FBLN1: variants seen among roughly 807,000 people sequenced by gnomAD.
The protein encoded by FBLN1 is fibulin 1.
Under a neutral mutation model 89.7 loss-of-function variants are expected in FBLN1, and 34 were observed. The ratio of observed to expected loss-of-function variants is 0.38; its 90% CI spans 0.29 to 0.50. FBLN1 has a LOEUF of 0.50. Ranked by LOEUF, FBLN1 falls within the 20% of genes least tolerant of loss-of-function variation. The pLI is 0.92. For missense variants in FBLN1, 777 were observed against 988.1 expected, an observed-to-expected ratio of 0.79 and a Z score of 2.86; for synonymous variants, 393 against 391.3, an observed-to-expected ratio of 1.00 and a Z score of -0.05.
Position 45,576,525 on chromosome 22 carries a change from A to C in FBLN1, c.1841-452A>C, listed in dbSNP as rs1043278385. On this transcript the variant is annotated intron_variant, in intron 15 of 16. Coordinates refer to ENST00000327858, the MANE Select transcript of FBLN1 (RefSeq NM_006486.3). This position sits in a 1 kb window ranked among gnomAD's most constrained non-coding sequence, Gnocchi z 5.2. The stretch of plus-strand genomic sequence containing the variant: ...TGTCTGATCTGGGAGATGGACACAC[A>C]CCCCCCAGAGAACCCAGGCCACCGC... Among the ~76,000 whole-genome samples the C allele has an allele frequency of 4.0e-5, 6 of 151,176 alleles. No individual in the cohort carries two copies. The highest frequency in any genetic ancestry group is 3.5e-3 in the Middle Eastern group (1 of 288).
At position 45,562,529 on chromosome 22, in the gene FBLN1, C is replaced by T. The variant is rs367778460; in HGVS notation, c.1697+11914C>T. On this transcript the variant is annotated intron_variant, in intron 14 of 16. Transcript: ENST00000327858. This position sits in a 1 kb window ranked among gnomAD's most constrained non-coding sequence, Gnocchi z 7.8. The stretch of plus-strand genomic sequence containing the variant: ...GAGATAGTCATTTCATGGGTCACCT[C>T]CGAGACACAACCAAGAGCCCTGCGT... Among the ~76,000 whole-genome samples, 50 of 152,320 alleles carry T rather than the reference C, an allele frequency of 3.3e-4. No individual in the cohort carries two copies. Among genetic ancestry groups the T allele is most frequent in the African/African-American group, 1.2e-3 (48 of 41,578 alleles).
intron 16 of FBLN1, among the ~76,000 whole-genome samples, chr22:45,598,949 G>C (rs1049861044): frequency 6.6e-6 from 1 of 152,228 alleles, no homozygotes; most frequent in Non-Finnish European, 1.5e-5. Context: ...CTCTCACTGC[G>C]TACAGAGTAT....
At chr22:45,529,132 T>C (rs2088369736) in intron 4 of FBLN1, among the ~76,000 whole-genome samples, 1 of 152,202 alleles carries the variant, frequency 6.6e-6, no homozygotes, top group South Asian at 2.1e-4. Context: ...GAGGGTCTGA[T>C]GCTGAAGATC....
rs140273104 is a variant in FBLN1, at chr22:45,590,863, C to A, written c.1973-9444C>A. 3.4e-3 allele frequency among the ~76,000 whole-genome samples: 512 copies of A among 151,906 alleles called. No individual in the cohort carries two copies. The highest frequency in any genetic ancestry group is 5.0e-3 in the South Asian group (24 of 4,806). ...GGGAGGAGGGTAGGTCAGTGTTTGGCGTGCTTGGATTTGAATTGTCCATCT... is the reference window on the plus strand; with the variant it reads ...GGGAGGAGGGTAGGTCAGTGTTTGGAGTGCTTGGATTTGAATTGTCCATCT... On this transcript the variant is annotated intron_variant, in intron 16 of 16. Coordinates refer to ENST00000327858, the MANE Select transcript of FBLN1 (RefSeq NM_006486.3). This position sits in a 1 kb window ranked among gnomAD's most constrained non-coding sequence, Gnocchi z 4.1.
At chr22:45,587,583 G>A (rs1485753176) in intron 16 of FBLN1, among the ~76,000 whole-genome samples, 1 of 152,156 alleles carries the variant, frequency 6.6e-6, no homozygotes, top group African/African-American at 2.4e-5. Context: ...GCTTACCCCT[G>A]GGGGCCCAGC....
At chr22:45,512,710 C>G (rs923093091) in intron 1 of FBLN1, among the ~76,000 whole-genome samples, 1 of 152,202 alleles carries the variant, frequency 6.6e-6, no homozygotes, top group African/African-American at 2.4e-5. Flanking sequence ...ATCGCCCCAC[C>G]CTCACAGGAC....
At chr22:45,508,966 A>T (rs937142436) in intron 1 of FBLN1, among the ~76,000 whole-genome samples, 1 of 152,210 alleles carries the variant, frequency 6.6e-6, no homozygotes, top group African/African-American at 2.4e-5. Context: ...TCCCATGTGC[A>T]TGCGTGTATA....
At chr22:45,595,065 C>G (rs2089173195) in intron 16 of FBLN1, among the ~76,000 whole-genome samples, 1 of 152,150 alleles carries the variant, frequency 6.6e-6, no homozygotes, top group Non-Finnish European at 1.5e-5. Flanking sequence ...GGCCTGGGTT[C>G]AGTCGAGGTG....
rs533121392 is a variant in FBLN1 at position 45,549,654 on chromosome 22, G to A, written c.1574-838G>A. ...CAGCATAAACACATTCCTGAGCCGG[G>A]CCTTTGAGGCTGGGGAGTGTTGTTT... On this transcript the variant is annotated intron_variant, in intron 13 of 16. Transcript: ENST00000327858. The surrounding 1 kb of genome is among the most constrained non-coding windows in gnomAD (Gnocchi z 5.7). 6.6e-6 allele frequency among the ~76,000 whole-genome samples: 1 copy of A among 152,346 alleles called. No homozygotes were observed. The highest frequency in any genetic ancestry group is 2.1e-4 in the South Asian group (1 of 4,828).
At chr22:45,565,154 T>A (rs371191856) in intron 14 of FBLN1, 1 of 1,571,220 alleles carries the variant, frequency 6.4e-7, no homozygotes, top group East Asian at 2.3e-5. Flanking sequence ...GTCTCCCATG[T>A]TGTAGTACAT....
intron 6 of FBLN1, 152 bp from the exon 7 acceptor site, chr22:45,533,609 C>A: frequency 1.2e-6 from 1 of 845,338 alleles, no homozygotes; most frequent in Non-Finnish European, 2.0e-6. Flanking sequence ...TCCGTGCAGT[C>A]CACAGCCCGG....
chr22:45,512,349 C>T (rs546912728), intron 1 of FBLN1, among the ~76,000 whole-genome samples: 4 of 152,012 alleles, frequency 2.6e-5, no homozygotes, highest in Non-Finnish European at 5.9e-5. Context: ...TGTTGACCCC[C>T]GCAGAACTCT....
chr22:45,503,106 A>T (rs2087969129), intron 1 of FBLN1, 42 bp downstream of exon 1: 1 of 1,176,934 alleles, frequency 8.5e-7, no homozygotes, highest in Non-Finnish European at 1.0e-6. Flanking sequence ...TAGGGTCCCG[A>T]CCCCCTCGGC....
chr22:45,518,244 G>A (rs1318609274), intron 1 of FBLN1, among the ~76,000 whole-genome samples: 4 of 151,906 alleles, frequency 2.6e-5, no homozygotes, highest in African/African-American at 4.8e-5. Context: ...GAGTCATGTC[G>A]GCTGTTCCCT....
In FBLN1 at chr22:45,540,291, C is replaced by T. The variant is rs141139628; in HGVS notation, c.923-938C>T. Among the ~76,000 whole-genome samples, 340 of 152,302 alleles carry T rather than the reference C, an allele frequency of 2.2e-3. 3 individuals are homozygous for T. Among genetic ancestry groups the T allele is most frequent in the African/African-American group, 7.8e-3 (326 of 41,562 alleles). On this transcript the variant is annotated intron_variant, in intron 8 of 16. Transcript: ENST00000327858. ...GTGCAGGCAGTAATGATAGTGATAC[C>T]GGCCTCACCTCACTTGCAGGCTGGC... is the stretch of plus-strand genomic sequence containing the variant.
intron 14 of FBLN1, chr22:45,558,197 C>G (rs568998673): frequency 1.5e-6 from 1 of 679,888 alleles, no homozygotes; most frequent in South Asian, 1.6e-5. Flanking sequence ...CCTTCAGGAC[C>G]TGCTCAAGCC....
Position 45,525,479 on chromosome 22 carries a change from G to A in FBLN1, c.186-64G>A, listed in dbSNP as rs1107180. On this transcript the variant is annotated intron_variant, in intron 2 of 16. Coordinates refer to ENST00000327858, the MANE Select transcript of FBLN1 (RefSeq NM_006486.3). ...CAAAGGTGAGAGCACCCCCACCCCC[G>A]AGGATCTCGTGCCCTGGGCCCCCTG... 0.13 allele frequency: 196,257 copies of A among 1,505,886 alleles called. 15,968 individuals carry two copies. Among genetic ancestry groups the A allele is most frequent in the Admixed American group, 0.37 (18,875 of 50,748 alleles). 93.3% of individuals were successfully genotyped at this position (1,505,886 alleles called of 1,614,324 possible).
intron 3 of FBLN1, among the ~76,000 whole-genome samples, chr22:45,525,925 C>G (rs2088321710): frequency 6.6e-6 from 1 of 152,244 alleles, no homozygotes; most frequent in South Asian, 2.1e-4. Context: ...GTGAAGTGAG[C>G]TGGCCTTGCC....
chr22:45,567,618 A>G (rs2088910500), intron 14 of FBLN1, among the ~76,000 whole-genome samples: 1 of 152,190 alleles, frequency 6.6e-6, no homozygotes, highest in Non-Finnish European at 1.5e-5. Flanking sequence ...TTTGTCTCAG[A>G]AAAAAGATAT....
Sources: gnomAD v4.1 joint callset for allele counts (sites outside exome capture counted in the v4.1 genomes callset) on GRCh38, gnomAD v4.1.1 for gene constraint, Gnocchi (gnomAD v3.1) non-coding constraint, MANE v1.5 for transcripts, NCBI Gene and HGNC (gene_info 2026-07-23, HGNC 2026-07-21) for gene names.